The following SV2C variants were observed in gnomAD, a reference collection of about 807,000 sequenced individuals.
The protein encoded by SV2C is solute carrier family 22 member B3.
In SV2C, 49 loss-of-function variants were observed where a neutral mutation model predicts 79.7. That is an observed-to-expected ratio of 0.61 (90% CI 0.49 to 0.78). SV2C has a LOEUF of 0.78. Among genes scored for constraint, SV2C ranks in the 30% least tolerant of loss-of-function variants. The pLI is 0.00. For synonymous variants in SV2C, 334 were observed against 333.2 expected, an observed-to-expected ratio of 1.00 and a Z score of -0.03; for missense variants, 833 against 912.9, an observed-to-expected ratio of 0.91 and a Z score of 1.13.
chr5:76,316,901 T>C (rs1171727310), intron 12 of SV2C, among the ~76,000 whole-genome samples: 1 of 152,150 alleles, frequency 6.6e-6, no homozygotes, highest in Non-Finnish European at 1.5e-5. Flanking sequence ...AACATTGCAC[T>C]CAGCATGTAT....
chr5:76,147,816 A>G (rs558090858), intron 2 of SV2C, among the ~76,000 whole-genome samples: 1 of 152,290 alleles, frequency 6.6e-6, no homozygotes, highest in Admixed American at 6.5e-5. Flanking sequence ...CTTTTTGCTT[A>G]AGCTTATTTT....
At chr5:75,870,790 A>G in the SV2C span, among the ~76,000 whole-genome samples, 4 of 152,348 alleles carry the variant, frequency 2.6e-5, no homozygotes, top group East Asian at 5.8e-4. Context: ...CAAATAACAT[A>G]CAATGAAGCT....
the SV2C span, among the ~76,000 whole-genome samples, chr5:76,064,315 G>A: frequency 6.6e-6 from 1 of 152,188 alleles, no homozygotes; most frequent in African/African-American, 2.4e-5. Flanking sequence ...CTGGACGTGA[G>A]AGGAGATGTG....
chr5:76,031,687 C>A, the SV2C span, among the ~76,000 whole-genome samples: 3 of 152,080 alleles, frequency 2.0e-5, no homozygotes, highest in Non-Finnish European at 2.9e-5. Flanking sequence ...TTATTATTAC[C>A]TAGGTCACAA....
intron 4 of SV2C, among the ~76,000 whole-genome samples, chr5:76,237,989 C>CACGT (rs1554042049): frequency 6.7e-6 from 1 of 149,934 alleles, no homozygotes; most frequent in Non-Finnish European, 1.5e-5. Context: ...CACACACACA[C>CACGT]ACATACATAC....
chr5:76,304,520 A>C (rs1748121329), intron 12 of SV2C, among the ~76,000 whole-genome samples: 1 of 152,266 alleles, frequency 6.6e-6, no homozygotes, highest in African/African-American at 2.4e-5. Flanking sequence ...TAGAGGCTTT[A>C]CTTCATTCTC....
At chr5:76,351,903 T>TA (rs778122692) in intron 12 of SV2C, among the ~76,000 whole-genome samples, 2 of 152,040 alleles carry the variant, frequency 1.3e-5, no homozygotes, top group Admixed American at 6.6e-5. Flanking sequence ...TTACAGAGGA[T>TA]AAAATCTCAC....
rs181457042 is a variant in SV2C at position 76,212,700 on chromosome 5, G to T, written c.913+2813G>T. Among the ~76,000 whole-genome samples the T allele has an allele frequency of 1.7e-3, 254 of 152,068 alleles. 1 individual carries two copies. The highest frequency in any genetic ancestry group is 5.9e-3 in the African/African-American group (245 of 41,486). ...ACTCACACTGGCTTCTGCAGCCTAC[G>T]TGTGTCCGTGTGTCCACCAAGCCCG... On this transcript the variant is annotated intron_variant, in intron 4 of 12. Transcript: ENST00000502798.
At chr5:75,893,969 G>T in the SV2C span, among the ~76,000 whole-genome samples, 4 of 152,082 alleles carry the variant, frequency 2.6e-5, no homozygotes, top group African/African-American at 9.7e-5. Context: ...GGGAGATGAA[G>T]CCAGCAAGGT....
At chr5:75,913,385 C>G in the SV2C span, among the ~76,000 whole-genome samples, 2 of 152,140 alleles carry the variant, frequency 1.3e-5, no homozygotes, top group Admixed American at 1.3e-4. Context: ...ACAAAGCATG[C>G]TATAAATAAG....
chr5:76,268,488 T>C (rs1746736785), intron 4 of SV2C, among the ~76,000 whole-genome samples: 1 of 152,192 alleles, frequency 6.6e-6, no homozygotes, highest in African/African-American at 2.4e-5. Context: ...TGCAGCTTTA[T>C]TGGTGTAAAC....
chr5:76,194,079 G>A (rs1360362928), intron 2 of SV2C, among the ~76,000 whole-genome samples: 3 of 152,118 alleles, frequency 2.0e-5, no homozygotes, highest in Non-Finnish European at 4.4e-5. Context: ...AGAGATCTTG[G>A]TTTACTGTTG....
At chr5:76,034,357 T>C in the SV2C span, among the ~76,000 whole-genome samples, 13 of 152,322 alleles carry the variant, frequency 8.5e-5, no homozygotes, top group East Asian at 2.5e-3. Context: ...CCAGCTTTTG[T>C]CCATTCAGTA....
chr5:76,136,311 T>C (rs1749067887), intron 2 of SV2C, among the ~76,000 whole-genome samples: 1 of 152,220 alleles, frequency 6.6e-6, no homozygotes. Flanking sequence ...AGGGCCAGAT[T>C]GCTTTGGGAA....
At chr5:76,010,418 G>A in the SV2C span, among the ~76,000 whole-genome samples, 1 of 152,060 alleles carries the variant, frequency 6.6e-6, no homozygotes, top group Non-Finnish European at 1.5e-5. Flanking sequence ...CGTGTTCAAG[G>A]GTATGGATCC....
chr5:76,277,978 G>T (rs563815106), intron 4 of SV2C, among the ~76,000 whole-genome samples: 3 of 152,140 alleles, frequency 2.0e-5, no homozygotes, highest in Admixed American at 1.3e-4. Context: ...CTCTGCATTT[G>T]TCAAGCTCAT....
intron 2 of SV2C, among the ~76,000 whole-genome samples, chr5:76,192,254 C>T (rs950618973): frequency 3.3e-5 from 5 of 152,134 alleles, no homozygotes; most frequent in East Asian, 3.9e-4. Flanking sequence ...TTTGGAGTGG[C>T]GTCTAAGAGT....
chr5:76,171,587 C>T (rs1209141998), intron 2 of SV2C, among the ~76,000 whole-genome samples: 1 of 145,254 alleles, frequency 6.9e-6, no homozygotes. Flanking sequence ...CGCCGGGCAG[C>T]CACCCCGTCC....
At chr5:76,259,965 A>G (rs1455786855) in intron 4 of SV2C, among the ~76,000 whole-genome samples, 1 of 152,206 alleles carries the variant, frequency 6.6e-6, no homozygotes, top group Non-Finnish European at 1.5e-5. Flanking sequence ...TATACCCAGT[A>G]ATGGGATTGC....
Sources: gnomAD v4.1 joint callset for allele counts (sites outside exome capture counted in the v4.1 genomes callset) on GRCh38, gnomAD v4.1.1 for gene constraint, MANE v1.5 for transcripts, NCBI Gene and HGNC (gene_info 2026-07-23, HGNC 2026-07-21) for gene names.